Variants in TACR3 observed in about 807,000 individuals in gnomAD.
The protein encoded by TACR3 is tachykinin receptor 3, also known as neuromedin-K receptor.
In TACR3, 34 loss-of-function variants were observed where a neutral mutation model predicts 35.0. The observed-to-expected ratio is 0.97, with a 90% CI of 0.74 to 1.30. TACR3 has a LOEUF of 1.30. TACR3 is among the 50% of genes most tolerant of loss of function. The pLI, the probability that TACR3 is intolerant of heterozygous loss-of-function variation, is 0.00. For synonymous variants in TACR3, 233 were observed against 221.1 expected (o/e 1.05, Z -0.48); for missense variants, 558 against 591.7 (o/e 0.94, Z 0.59).
At chr4:103,639,552 T>A (rs879677048) in intron 3 of TACR3, among the ~76,000 whole-genome samples, 2 of 152,004 alleles carry the variant, frequency 1.3e-5, no homozygotes, top group Non-Finnish European at 1.5e-5. Context: ...GTAACAAACC[T>A]GCACGTTGTG....
chr4:103,715,565 A>T (rs529303840), intron 1 of TACR3, among the ~76,000 whole-genome samples: 1 of 152,164 alleles, frequency 6.6e-6, no homozygotes, highest in African/African-American at 2.4e-5. Flanking sequence ...CAATGTGAGA[A>T]CAGACTAACA....
chr4:103,684,460 T>A (rs1191141233), intron 1 of TACR3, among the ~76,000 whole-genome samples: 1 of 152,214 alleles, frequency 6.6e-6, no homozygotes, highest in Non-Finnish European at 1.5e-5. Context: ...CTACCACTAA[T>A]ACTAGGTCAA....
chr4:103,628,151 T>C (rs1369222751), intron 3 of TACR3, among the ~76,000 whole-genome samples: 2 of 152,094 alleles, frequency 1.3e-5, no homozygotes, highest in African/African-American at 2.4e-5. Context: ...AAGCAGTGTG[T>C]AGAGGGAAAT....
At chr4:103,602,202 T>C (rs1206065530) in intron 3 of TACR3, among the ~76,000 whole-genome samples, 1 of 152,240 alleles carries the variant, frequency 6.6e-6, no homozygotes, top group African/African-American at 2.4e-5. Flanking sequence ...TCTGCATTCG[T>C]CACGTAGCTC....
intron 3 of TACR3, among the ~76,000 whole-genome samples, chr4:103,609,913 T>G (rs1258173416): frequency 6.6e-6 from 1 of 152,034 alleles, no homozygotes; most frequent in Admixed American, 6.6e-5. Flanking sequence ...TAACATAATG[T>G]CCTCTAGGTT....
chr4:103,704,987 G>T (rs76754161), intron 1 of TACR3, among the ~76,000 whole-genome samples: 17,735 of 151,998 alleles, frequency 0.12, 1,350 homozygotes, highest in East Asian at 0.37. Context: ...ATAAAATTTC[G>T]TTTTTGGATG....
intron 3 of TACR3, among the ~76,000 whole-genome samples, chr4:103,641,187 A>C (rs1054803535): frequency 6.6e-6 from 1 of 151,870 alleles, no homozygotes; most frequent in Non-Finnish European, 1.5e-5. Flanking sequence ...TGTTCTTGGT[A>C]CCTTTGTTAA....
At chr4:103,630,094 A>T (rs771986524) in intron 3 of TACR3, among the ~76,000 whole-genome samples, 1 of 152,174 alleles carries the variant, frequency 6.6e-6, no homozygotes, top group Non-Finnish European at 1.5e-5. Context: ...TGGAGAAAGG[A>T]TTCCCTATTT....
intron 3 of TACR3, among the ~76,000 whole-genome samples, chr4:103,637,703 C>A (rs941835344): frequency 6.6e-6 from 1 of 152,114 alleles, no homozygotes; most frequent in Non-Finnish European, 1.5e-5. Flanking sequence ...ATTGTCTCAG[C>A]CCAAAATCTC....
intron 3 of TACR3, among the ~76,000 whole-genome samples, chr4:103,643,668 C>A (rs1014464508): frequency 7.9e-5 from 12 of 151,696 alleles, no homozygotes; most frequent in Non-Finnish European, 1.5e-4. Context: ...AGGATGAGTA[C>A]AACGATATAT....
At chr4:103,636,033 A>G (rs977555996) in intron 3 of TACR3, among the ~76,000 whole-genome samples, 1 of 151,976 alleles carries the variant, frequency 6.6e-6, no homozygotes, top group Non-Finnish European at 1.5e-5. Flanking sequence ...ATTTGGCTTA[A>G]GAATCCAGAA....
intron 1 of TACR3, among the ~76,000 whole-genome samples, chr4:103,662,392 TG>T (rs754021199): frequency 1.1e-4 from 17 of 152,058 alleles, no homozygotes; most frequent in Non-Finnish European, 2.2e-4. Context: ...GGCTAATTTT[TG>T]TATTTTTAGT....
chr4:103,688,246 T>G (rs1463121389), intron 1 of TACR3, among the ~76,000 whole-genome samples: 2 of 152,076 alleles, frequency 1.3e-5, no homozygotes, highest in African/African-American at 4.8e-5. Context: ...CAACAATCAA[T>G]TCAAGATGGA....
intron 1 of TACR3, among the ~76,000 whole-genome samples, chr4:103,659,741 T>A (rs1251152380): frequency 2.0e-5 from 3 of 152,186 alleles, no homozygotes; most frequent in Non-Finnish European, 4.4e-5. Flanking sequence ...AAGTTAGGAA[T>A]TCTGTAAATA....
chr4:103,690,935 A>G (rs1722389168), intron 1 of TACR3, among the ~76,000 whole-genome samples: 1 of 152,214 alleles, frequency 6.6e-6, no homozygotes, highest in South Asian at 2.1e-4. Flanking sequence ...AGGTAGATAC[A>G]ATTTTATAAT....
rs183739185 is a variant in TACR3, at chr4:103,600,739, G to A, written c.889-9056C>T. Among the ~76,000 whole-genome samples, 518 of 152,204 alleles carry A rather than the reference G, an allele frequency of 3.4e-3. 5 individuals are homozygous for A. The highest frequency in any genetic ancestry group is 0.012 in the African/African-American group (486 of 41,516). On this transcript the variant is annotated intron_variant, in intron 3 of 4. Transcript: ENST00000304883. ...TTTACCCAGTAGTCATTCAGGAGCC[G>A]GTTGTTCATTTTCCATGTAGTTGAG...
At chr4:103,604,727 G>A (rs1240078834) in intron 3 of TACR3, among the ~76,000 whole-genome samples, 2 of 151,788 alleles carry the variant, frequency 1.3e-5, no homozygotes, top group East Asian at 1.9e-4. Flanking sequence ...GTGGGCAAAG[G>A]ATATGAAGAG....
intron 3 of TACR3, among the ~76,000 whole-genome samples, chr4:103,614,147 A>T (rs987599714): frequency 2.0e-5 from 3 of 151,690 alleles, no homozygotes; most frequent in African/African-American, 7.3e-5. Flanking sequence ...TCATTTATGA[A>T]TGTTTAGTTC....
chr4:103,682,776 T>C (rs964013953), intron 1 of TACR3, among the ~76,000 whole-genome samples: 6 of 152,072 alleles, frequency 3.9e-5, no homozygotes, highest in Non-Finnish European at 7.4e-5. Flanking sequence ...GGCTGGGCTG[T>C]TTTCTCATCT....
Sources: gnomAD v4.1 joint callset for allele counts (sites outside exome capture counted in the v4.1 genomes callset) on GRCh38, gnomAD v4.1.1 for gene constraint, MANE v1.5 for transcripts, NCBI Gene and HGNC (gene_info 2026-07-23, HGNC 2026-07-21) for gene names.